FCRL2: variants seen among roughly 807,000 people sequenced by gnomAD.
FCRL2 encodes the protein Fc receptor-like protein 2.
In FCRL2, 48 loss-of-function variants were observed where a neutral mutation model predicts 59.8. The ratio of observed to expected loss-of-function variants is 0.80; its 90% CI spans 0.64 to 1.02. FCRL2 has a LOEUF of 1.02. FCRL2 is among the 50% of genes least tolerant of loss of function. The probability of loss-of-function intolerance (pLI) is 0.00; values close to 1 mark genes in which losing one functional copy is unlikely to be tolerated. For synonymous variants in FCRL2, 251 were observed against 229.5 expected (o/e 1.09, Z -0.85); for missense variants, 658 against 597.3 (o/e 1.10, Z -1.06).
intron 2 of FCRL2, 136 bp from the exon 3 acceptor site, chr1:157,770,802 C>T: frequency 1.1e-6 from 1 of 926,994 alleles, no homozygotes. Context: ...GCCTTAATTA[C>T]TGAGAGTTTC....
intron 1 of FCRL2, among the ~76,000 whole-genome samples, chr1:157,776,471 T>C (rs7517029): frequency 0.037 from 5,695 of 152,184 alleles, 334 homozygotes; most frequent in African/African-American, 0.13. Flanking sequence ...GGTTTCACCA[T>C]GTTGGCCGGG....
Position 157,760,542 on chromosome 1 carries a change from C to T in FCRL2, c.1279+6313G>A, listed in dbSNP as rs569845271. 5.9e-5 allele frequency among the ~76,000 whole-genome samples: 9 copies of T among 151,550 alleles called. 1 individual carries two copies. In the South Asian group the frequency reaches 1.0e-3, roughly 18 times the overall value. ...ACCCAGGAGGCTGAGGCGAGAAAAT[C>T]GCTTGAACCCGGGAGGTGGAAGTTG... On this transcript the variant is annotated intron_variant, in intron 7 of 11. Transcript: ENST00000361516.
At chr1:157,758,623 A>G (rs1055083710) in intron 7 of FCRL2, among the ~76,000 whole-genome samples, 1 of 151,846 alleles carries the variant, frequency 6.6e-6, no homozygotes, top group Non-Finnish European at 1.5e-5. Context: ...TTAGAAAAAA[A>G]AATCTAAAAT....
chr1:157,748,007 A>G (rs1376847372), intron 10 of FCRL2, among the ~76,000 whole-genome samples: 1 of 152,104 alleles, frequency 6.6e-6, no homozygotes, highest in Non-Finnish European at 1.5e-5. Context: ...AAGACTCATT[A>G]GACCATCACC....
At position 157,769,878 on chromosome 1, in the gene FCRL2, T is replaced by C. The variant is rs1469499419; in HGVS notation, c.583A>G (p.Ile195Val). ...RIRKQSLQSQ[I>V]HVQRIPISNV... is the part of the protein sequence containing the mutation. ...CACTGATACTTGCTCTGCACGTGAA[T>C]CTGGGATTGGAGGCTCTGTTTTCTG... is the stretch of plus-strand genomic sequence containing the variant. Residue 195 changes from isoleucine (I) to valine (V), a missense_variant, in exon 4 of 12, where the codon ATT (isoleucine) becomes GTT (valine). Physicochemically the swap from Ile to Val is conservative, Grantham distance 29. Coordinates refer to ENST00000361516, the MANE Select transcript of FCRL2 (RefSeq NM_030764.4). The C allele has an allele frequency of 1.9e-6, 3 of 1,613,790 alleles. No homozygotes were observed. Among genetic ancestry groups the C allele is most frequent in the African/African-American group, 2.7e-5 (2 of 74,914 alleles).
intron 7 of FCRL2, among the ~76,000 whole-genome samples, chr1:157,757,885 C>T (rs1233532468): frequency 6.6e-6 from 1 of 152,206 alleles, no homozygotes; most frequent in Non-Finnish European, 1.5e-5. Context: ...TGGCGTGAAC[C>T]CAGGAGGCAG....
At chr1:157,759,090 C>T (rs1468044675) in intron 7 of FCRL2, among the ~76,000 whole-genome samples, 2 of 152,130 alleles carry the variant, frequency 1.3e-5, no homozygotes, top group African/African-American at 2.4e-5. Context: ...GGGCTGGTTA[C>T]CCCCATGCTG....
intron 7 of FCRL2, among the ~76,000 whole-genome samples, chr1:157,754,577 A>G (rs147569931): frequency 2.0e-5 from 3 of 152,118 alleles, no homozygotes; most frequent in African/African-American, 4.8e-5. Context: ...CTTACTTGAG[A>G]TTCAAGAACC....
At chr1:157,753,153 C>T (rs1047823132) in intron 7 of FCRL2, among the ~76,000 whole-genome samples, 3 of 152,088 alleles carry the variant, frequency 2.0e-5, no homozygotes, top group African/African-American at 4.8e-5. Flanking sequence ...CTTCTGTTGC[C>T]GTGTGTGTGG....
intron 7 of FCRL2, among the ~76,000 whole-genome samples, chr1:157,751,020 T>C (rs905710781): frequency 2.0e-5 from 3 of 152,134 alleles, no homozygotes; most frequent in African/African-American, 4.8e-5. Flanking sequence ...ATGTCTATAA[T>C]TTGTCAATTT....
chr1:157,765,098 A>T (rs1337225653), intron 7 of FCRL2, among the ~76,000 whole-genome samples: 1 of 152,208 alleles, frequency 6.6e-6, no homozygotes, highest in African/African-American at 2.4e-5. Flanking sequence ...AAGAAGACTC[A>T]AATAAACATA....
chr1:157,768,736 A>AG, intron 4 of FCRL2, 35 bp from the exon 5 acceptor site: 1 of 1,551,168 alleles, frequency 6.4e-7, no homozygotes, highest in Non-Finnish European at 8.7e-7. Context: ...GAGAACTCTA[A>AG]GGGAAACTCT....
chr1:157,770,231 C>T (rs1216259744), intron 3 of FCRL2, 81 bp from the exon 4 acceptor site: 2 of 1,531,748 alleles, frequency 1.3e-6, no homozygotes, highest in East Asian at 4.5e-5. Context: ...GAAGCAACCC[C>T]AGCAAACAGG....
intron 4 of FCRL2, chr1:157,769,175 C>T (rs1649776936): frequency 6.4e-6 from 1 of 155,772 alleles, no homozygotes; most frequent in Admixed American, 6.3e-5. Flanking sequence ...GCTACATTGC[C>T]TTCTAATAAG....
chr1:157,749,507 T>G (rs1009143889), intron 8 of FCRL2, 143 bp downstream of exon 8: 1 of 576,878 alleles, frequency 1.7e-6, no homozygotes, highest in Non-Finnish European at 3.1e-6. Context: ...TGTAATGCAG[T>G]AGAGACAAGA....
At chr1:157,756,882 TA>T (rs1185089036) in intron 7 of FCRL2, among the ~76,000 whole-genome samples, 4 of 152,230 alleles carry the variant, frequency 2.6e-5, no homozygotes, top group Non-Finnish European at 4.4e-5. Flanking sequence ...TTCCACAACG[TA>T]TACTTATTTG....
intron 7 of FCRL2, among the ~76,000 whole-genome samples, chr1:157,758,400 C>A (rs533557108): frequency 1.3e-5 from 2 of 152,122 alleles, no homozygotes; most frequent in South Asian, 4.2e-4. Flanking sequence ...GAAAAAATAC[C>A]TAGGAATACA....
chr1:157,766,794 A>G (rs1044667724), intron 7 of FCRL2, 61 bp downstream of exon 7: 21 of 1,589,320 alleles, frequency 1.3e-5, no homozygotes, highest in East Asian at 8.9e-5. Flanking sequence ...TGTAATTTCA[A>G]TCTATATCAG....
rs1649733355 is a variant in FCRL2 at position 157,768,663 on chromosome 1, G to A, written c.634C>T (p.Pro212Ser). 6.2e-7 allele frequency: 1 copy of A among 1,613,728 alleles called. No individual in the cohort carries two copies. The highest frequency in any genetic ancestry group is 8.5e-7 in the Non-Finnish European group (1 of 1,179,860). Residue 212 changes from proline (P) to serine (S), a missense_variant, in exon 5 of 12, where the codon CCC becomes TCC. Coordinates refer to ENST00000361516, the MANE Select transcript of FCRL2 (RefSeq NM_030764.4). ...ISNVSLEIRAPGGQVTEGQKL... is the reference protein window; with the variant it reads ...ISNVSLEIRASGGQVTEGQKL... ...TGTCCTTCAGTCACCTGTCCCCCGG[G>A]GGCCCGGATCTCCAAGCTTACATTA... is the stretch of plus-strand genomic sequence containing the variant.
Sources: allele counts gnomAD v4.1 joint callset (sites outside exome capture counted in the v4.1 genomes callset), GRCh38; gene constraint gnomAD v4.1.1; transcripts MANE v1.5; gene names NCBI Gene and HGNC (gene_info 2026-07-23, HGNC 2026-07-21).